The following HCN1 variants were observed in gnomAD, a reference collection of about 807,000 sequenced individuals.
HCN1 encodes the protein potassium/sodium hyperpolarization-activated cyclic nucleotide-gated channel 1.
Under a neutral mutation model 78.9 loss-of-function variants are expected in HCN1, and 13 were observed. The ratio of observed to expected loss-of-function variants is 0.16; its 90% CI spans 0.11 to 0.26. HCN1 has a LOEUF of 0.26. HCN1 is among the 10% of genes least tolerant of loss of function. The pLI is 1.00. For missense variants in HCN1, 810 were observed against 1,154.3 expected, an observed-to-expected ratio of 0.70 and a Z score of 4.32; for synonymous variants, 552 against 455.5, an observed-to-expected ratio of 1.21 and a Z score of -2.70.
At chr5:45,303,900 C>T (rs1000934982) in intron 5 of HCN1, 61 bp from the exon 6 acceptor site, 3 of 1,454,684 alleles carry the variant, frequency 2.1e-6, no homozygotes, top group South Asian at 1.1e-5. Context: ...GGAAGAAAAA[C>T]ATGCTGAAAT....
rs891892358 is a variant in HCN1 at position 45,257,311 on chromosome 5, C to A, written c.*4610G>T. 4 of 152,206 alleles carry A rather than the reference C, an allele frequency of 2.6e-5. No individual in the cohort carries two copies. Among genetic ancestry groups the A allele is most frequent in the African/African-American group, 9.6e-5 (4 of 41,456 alleles). 9.4% of individuals were successfully genotyped at this position (152,206 alleles called of 1,614,324 possible). A position where few individuals can be genotyped will look rare whatever the true frequency, so the allele number is the denominator to read the frequency against. ...CTCTTCACCCTGTGAGACACTCCAG[C>A]TGCATTGAACTGCCAGTGTTCCCAA... On this transcript the variant is annotated 3_prime_UTR_variant, in exon 8 of 8. Coordinates refer to ENST00000303230, the MANE Select transcript of HCN1 (RefSeq NM_021072.4).
At chr5:45,559,192 C>T (rs1743545562) in intron 2 of HCN1, 1 of 151,992 alleles carries the variant, frequency 6.6e-6, no homozygotes, top group Admixed American at 6.6e-5. Context: ...CGCCCAAGAG[C>T]TCTGATGGAT....
chr5:45,634,229 T>C (rs1174170022), intron 2 of HCN1, among the ~76,000 whole-genome samples: 1 of 151,978 alleles, frequency 6.6e-6, no homozygotes, highest in African/African-American at 2.4e-5. Context: ...CTCACATTCA[T>C]ACACCTATCC....
At chr5:45,688,049 G>A (rs540087570) in intron 1 of HCN1, among the ~76,000 whole-genome samples, 2 of 152,058 alleles carry the variant, frequency 1.3e-5, no homozygotes. Flanking sequence ...GGATTTCAAT[G>A]GGTGAAGGAT....
intron 2 of HCN1, among the ~76,000 whole-genome samples, chr5:45,490,272 T>C (rs761090251): frequency 6.6e-5 from 10 of 152,080 alleles, no homozygotes; most frequent in Admixed American, 1.3e-4. Flanking sequence ...CATGATGAGA[T>C]TGGATTGTTT....
At chr5:45,527,041 T>C (rs930884729) in intron 2 of HCN1, among the ~76,000 whole-genome samples, 4 of 136,262 alleles carry the variant, frequency 2.9e-5, no homozygotes, top group Non-Finnish European at 3.2e-5. Context: ...ATTCTCTCTC[T>C]CTTTTCTCCC....
chr5:45,680,187 G>T (rs1739677540), intron 1 of HCN1, among the ~76,000 whole-genome samples: 1 of 152,026 alleles, frequency 6.6e-6, no homozygotes, highest in Admixed American at 6.6e-5. Context: ...TTTTCCAGTG[G>T]ATTTTTCTCT....
chr5:45,683,918 G>T (rs947565855), intron 1 of HCN1, among the ~76,000 whole-genome samples: 2 of 151,984 alleles, frequency 1.3e-5, no homozygotes. Context: ...AGAGCTGCCC[G>T]CCTCAGCCTC....
Position 45,405,586 on chromosome 5 carries a change from T to G in HCN1, c.1012-8876A>C, listed in dbSNP as rs543437927. On this transcript the variant is annotated intron_variant, in intron 3 of 7. Transcript: ENST00000303230. ...ACATGACCAGCTTATGTTTAAAATT[T>G]TTATAGAGATAAGGTCTTGCTATGT... Among the ~76,000 whole-genome samples the G allele has an allele frequency of 5.1e-4, 77 of 152,190 alleles. 1 individual carries two copies. Among genetic ancestry groups the G allele is most frequent in the Non-Finnish European group, 8.7e-4 (59 of 68,010 alleles).
intron 2 of HCN1, among the ~76,000 whole-genome samples, chr5:45,584,507 T>C (rs999969181): frequency 1.1e-4 from 16 of 151,584 alleles, no homozygotes; most frequent in African/African-American, 3.9e-4. Flanking sequence ...TGTCTTTTAA[T>C]TGGAGCGTTT....
At chr5:45,316,186 G>C (rs942764664) in intron 5 of HCN1, among the ~76,000 whole-genome samples, 1 of 152,050 alleles carries the variant, frequency 6.6e-6, no homozygotes, top group African/African-American at 2.4e-5. Context: ...CAAACCGAAT[G>C]CAGCAGCACA....
At chr5:45,377,485 G>GT (rs1350571794) in intron 4 of HCN1, among the ~76,000 whole-genome samples, 1 of 151,844 alleles carries the variant, frequency 6.6e-6, no homozygotes, top group Non-Finnish European at 1.5e-5. Flanking sequence ...TTAGGGGGCT[G>GT]TTTTTTACAC....
intron 5 of HCN1, among the ~76,000 whole-genome samples, chr5:45,343,388 G>A (rs987754806): frequency 6.6e-5 from 10 of 152,184 alleles, no homozygotes; most frequent in African/African-American, 2.4e-4. Flanking sequence ...ATGCTGGAAG[G>A]CAAACTAAGG....
chr5:45,551,486 A>G (rs1008060412), intron 2 of HCN1, among the ~76,000 whole-genome samples: 1 of 151,878 alleles, frequency 6.6e-6, no homozygotes, highest in African/African-American at 2.4e-5. Context: ...GTCAACAAGG[A>G]CATGATATAT....
At chr5:45,322,930 C>T (rs1441615907) in intron 5 of HCN1, among the ~76,000 whole-genome samples, 2 of 151,756 alleles carry the variant, frequency 1.3e-5, no homozygotes, top group Non-Finnish European at 2.9e-5. Flanking sequence ...GCAACCTTGT[C>T]TGATATAATA....
intron 2 of HCN1, among the ~76,000 whole-genome samples, chr5:45,483,191 T>G (rs1741690511): frequency 6.6e-6 from 1 of 152,148 alleles, no homozygotes; most frequent in African/African-American, 2.4e-5. Context: ...GCAGATTGCT[T>G]TCCACAGTGG....
intron 3 of HCN1, among the ~76,000 whole-genome samples, chr5:45,421,012 T>TTTTC (rs1188361510): frequency 6.6e-6 from 1 of 152,130 alleles, no homozygotes; most frequent in Non-Finnish European, 1.5e-5. Context: ...GCGGCATGGC[T>TTTTC]TTTCTTTCTT....
intron 2 of HCN1, among the ~76,000 whole-genome samples, chr5:45,591,360 G>T (rs80229315): frequency 0.016 from 2,428 of 152,190 alleles, 65 homozygotes; most frequent in African/African-American, 0.056. Context: ...CTTCCAAAGT[G>T]GCTGTGCCAT....
chr5:45,292,925 C>T (rs937917153), intron 6 of HCN1, among the ~76,000 whole-genome samples: 1 of 151,748 alleles, frequency 6.6e-6, no homozygotes, highest in Non-Finnish European at 1.5e-5. Flanking sequence ...TAAACTCAGA[C>T]AATTGATAAA....
Sources: allele counts gnomAD v4.1 joint callset (sites outside exome capture counted in the v4.1 genomes callset), GRCh38; gene constraint gnomAD v4.1.1; transcripts MANE v1.5; gene names NCBI Gene and HGNC (gene_info 2026-07-23, HGNC 2026-07-21).